SBNO2: variants seen among roughly 807,000 people sequenced by gnomAD.
The protein encoded by SBNO2 is strawberry notch homolog 2.
Under a neutral mutation model 146.3 loss-of-function variants are expected in SBNO2, and 89 were observed. That is an observed-to-expected ratio of 0.61 (90% CI 0.51 to 0.73). The LOEUF (loss-of-function observed/expected upper bound fraction) is 0.73, where lower values mean the gene tolerates loss of function less well. Ranked by LOEUF, SBNO2 falls within the 30% of genes least tolerant of loss-of-function variation. The pLI is 0.00. For synonymous variants in SBNO2, 1,147 were observed against 892.6 expected (o/e 1.29, Z -5.08); for missense variants, 2,092 against 2,003.7 (o/e 1.04, Z -0.84).
intron 3 of SBNO2, among the ~76,000 whole-genome samples, chr19:1,148,322 G>A (rs1234858707): frequency 1.3e-5 from 2 of 151,960 alleles, no homozygotes; most frequent in African/African-American, 4.8e-5. Flanking sequence ...ACAAACAGCT[G>A]CTCCACAATC....
intron 1 of SBNO2, among the ~76,000 whole-genome samples, chr19:1,169,324 G>A (rs536611299): frequency 2.6e-5 from 4 of 152,322 alleles, no homozygotes; most frequent in African/African-American, 9.6e-5. Context: ...CAGGGCACAG[G>A]GCACGAGTGC....
Position 1,110,419 on chromosome 19 carries a change from G to A in SBNO2, c.3028+326C>T, listed in dbSNP as rs924751045. 6.6e-5 allele frequency among the ~76,000 whole-genome samples: 10 copies of A among 152,278 alleles called. No individual in the cohort carries two copies. In the South Asian group the frequency reaches 1.2e-3, roughly 19 times the overall value. On this transcript the variant is annotated intron_variant, in intron 26 of 31. Coordinates refer to ENST00000361757, the MANE Select transcript of SBNO2 (RefSeq NM_014963.3). This position sits in a 1 kb window ranked among gnomAD's most constrained non-coding sequence, Gnocchi z 4.9. ...CCAGAGACGTGCACGGTGATCCCAC[G>A]AGCCCTGTGCCTGCATCCGCCCAGT... is the stretch of plus-strand genomic sequence containing the variant.
At position 1,157,633 on chromosome 19, in the gene SBNO2, G is replaced by A. The variant is rs2080304682; in HGVS notation, c.-126-3231C>T. Among the ~76,000 whole-genome samples the A allele has an allele frequency of 6.6e-6, 1 of 152,214 alleles. No homozygotes were observed. Among genetic ancestry groups the A allele is most frequent in the Non-Finnish European group, 1.5e-5 (1 of 68,016 alleles). On this transcript the variant is annotated intron_variant, in intron 1 of 31. Transcript: ENST00000361757. The surrounding 1 kb of genome is among the most constrained non-coding windows in gnomAD (Gnocchi z 6.8). ...GGGGCCCGCGCTTTATCAGCACGCTGACACCCAGAGGGGATGTGGCTTCCT... is the reference window on the plus strand; with the variant it reads ...GGGGCCCGCGCTTTATCAGCACGCTAACACCCAGAGGGGATGTGGCTTCCT...
chr19:1,122,110 TC>T (rs1568575526), intron 11 of SBNO2, 28 bp downstream of exon 11: 1 of 944,890 alleles, frequency 1.1e-6, no homozygotes, highest in Non-Finnish European at 1.3e-6. Context: ...AATCCAGCCC[TC>T]CCCTCCCGAT....
chr19:1,123,175 C>T (rs926159593), intron 7 of SBNO2, 130 bp from the exon 8 acceptor site: 3 of 1,078,522 alleles, frequency 2.8e-6, no homozygotes, highest in East Asian at 5.2e-5. Context: ...TGGCCAGGTC[C>T]CGTTGGGCGG....
chr19:1,112,674 A>G lies in SBNO2; in HGVS notation c.2380-137T>C. 1 of 1,427,496 alleles carries G rather than the reference A, an allele frequency of 7.0e-7. No individual in the cohort carries two copies. Among genetic ancestry groups the G allele is most frequent in the African/African-American group, 1.4e-5 (1 of 70,108 alleles). The allele number at this position is 1,427,496 out of a possible 1,614,324, so 88.4% of individuals were successfully genotyped here. ...AGCGAGAGGCCTGCGGGGCGCGGAC[A>G]CCACCCGCCACACGGCCACTCGCGC... On this transcript the variant is annotated intron_variant, in intron 20 of 31. Transcript: ENST00000361757. This position sits in a 1 kb window ranked among gnomAD's most constrained non-coding sequence, Gnocchi z 5.9.
In SBNO2 at chr19:1,122,273, C is replaced by T. The variant is rs373097728; in HGVS notation, c.1015G>A (p.Gly339Ser). The T allele has an allele frequency of 3.6e-5, 56 of 1,563,820 alleles. No homozygotes were observed. The highest frequency in any genetic ancestry group is 3.3e-5 in the Non-Finnish European group (38 of 1,154,256). ...AVHALSKIKYGDTTTSEGVLF... is the reference protein window; with the variant it reads ...AVHALSKIKYSDTTTSEGVLF... ...ACGCCCTCTGAGGTAGTGGTGTCAC[C>T]GTACTTGATCTGGGGATGCACAGAA... Residue 339 changes from glycine (G) to serine (S), a missense_variant, in exon 11 of 32, where the codon GGT (glycine) becomes AGT (serine). Gly to Ser is a moderately conservative substitution (Grantham distance 56). Coordinates refer to ENST00000361757, the MANE Select transcript of SBNO2 (RefSeq NM_014963.3).
rs1366360954 is a variant in SBNO2, at chr19:1,173,097, T to A, written c.-127+1075A>T. ...CCGTGCCCGGCGTCCCTGGAGGCGCTGGGTGGGCTCTCCACAACGCCTGCC... is the reference window on the plus strand; with the variant it reads ...CCGTGCCCGGCGTCCCTGGAGGCGCAGGGTGGGCTCTCCACAACGCCTGCC... On this transcript the variant is annotated intron_variant, in intron 1 of 31. Transcript: ENST00000361757. The surrounding 1 kb of genome is among the most constrained non-coding windows in gnomAD (Gnocchi z 4.7). Among the ~76,000 whole-genome samples, 5 of 151,766 alleles carry A rather than the reference T, an allele frequency of 3.3e-5. No homozygotes were observed. In the South Asian group the frequency reaches 6.2e-4, roughly 19 times the overall value.
chr19:1,113,098 G>T, intron 19 of SBNO2, 149 bp from the exon 20 acceptor site: 1 of 933,414 alleles, frequency 1.1e-6, no homozygotes, highest in Non-Finnish European at 1.6e-6. Flanking sequence ...GGGAGGGCGG[G>T]ACTGCTGGAC....
intron 18 of SBNO2, among the ~76,000 whole-genome samples, chr19:1,113,974 G>GC (rs2079800196): frequency 1.3e-5 from 2 of 152,224 alleles, no homozygotes; most frequent in Non-Finnish European, 2.9e-5. Context: ...CCAGCCCCAA[G>GC]CCCCAGCTCT....
rs1368170383 is a variant in SBNO2 at position 1,117,314 on chromosome 19, G to A, written c.1704+9C>T. Reference sequence around the variant, plus strand: ...CCGCCCTCAGCCCTCGAAGGCCGCAGCCGCTCACCTTGTCTCGCGCCAGCT... The same window carrying A: ...CCGCCCTCAGCCCTCGAAGGCCGCAACCGCTCACCTTGTCTCGCGCCAGCT... On this transcript the variant is annotated intron_variant, in intron 15 of 31. Coordinates refer to ENST00000361757, the MANE Select transcript of SBNO2 (RefSeq NM_014963.3). The A allele has an allele frequency of 6.4e-7, 1 of 1,556,002 alleles. No individual in the cohort carries two copies. Among genetic ancestry groups the A allele is most frequent in the East Asian group, 2.4e-5 (1 of 41,474 alleles).
chr19:1,108,318 C>G lies in SBNO2; in HGVS notation c.4003G>C (p.Glu1335Gln), dbSNP rs2079698862. ...AGPPSEGALG[E>Q]GAGAGGAAGG... ...GCCGCGCCCCCCGCCCCCGCGCCCT[C>G]CCCCAGCGCGCCCTCGGAGGGCGGC... Residue 1335 changes from glutamate to glutamine, a missense_variant, in exon 32 of 32, where the codon GAG becomes CAG. Transcript: ENST00000361757. 7.0e-7 allele frequency: 1 copy of G among 1,423,436 alleles called. No homozygotes were observed. Among genetic ancestry groups the G allele is most frequent in the East Asian group, 3.3e-5 (1 of 30,210 alleles). The allele number at this position is 1,423,436 out of a possible 1,614,324, so 88.2% of individuals were successfully genotyped here.
rs2079985034 is a variant in SBNO2 at position 1,127,887 on chromosome 19, G to T, written c.280-122C>A. On this transcript the variant is annotated intron_variant, in intron 4 of 31. Transcript: ENST00000361757. The stretch of plus-strand genomic sequence containing the variant: ...CCACACACTGGAGCATGTGGGAATG[G>T]GAGACACCACGGCCCTCCCAGGTTC... 3 of 885,218 alleles carry T rather than the reference G, an allele frequency of 3.4e-6. No individual in the cohort carries two copies. In the South Asian group the frequency reaches 4.9e-5, roughly 14 times the overall value. 54.8% of individuals were successfully genotyped at this position (885,218 alleles called of 1,614,324 possible).
intron 1 of SBNO2, among the ~76,000 whole-genome samples, chr19:1,156,989 T>C (rs1485295955): frequency 1.4e-5 from 1 of 71,172 alleles, no homozygotes; most frequent in Admixed American, 2.2e-4. Flanking sequence ...CAGCCCTGCC[T>C]TTCCGCCCAC....
Position 1,144,169 on chromosome 19 carries a change from C to A in SBNO2, c.279+3140G>T, listed in dbSNP as rs547400513. 6.6e-6 allele frequency among the ~76,000 whole-genome samples: 1 copy of A among 151,896 alleles called. No individual in the cohort carries two copies. Among genetic ancestry groups the A allele is most frequent in the Non-Finnish European group, 1.5e-5 (1 of 67,950 alleles). On this transcript the variant is annotated intron_variant, in intron 4 of 31. Coordinates refer to ENST00000361757, the MANE Select transcript of SBNO2 (RefSeq NM_014963.3). This position sits in a 1 kb window ranked among gnomAD's most constrained non-coding sequence, Gnocchi z 4.1. Reference sequence around the variant, plus strand: ...TCCCACACTTGGCACCGCGGGACCACGCATCCCGTCCCACACTCGACACCA... The same window carrying A: ...TCCCACACTTGGCACCGCGGGACCAAGCATCCCGTCCCACACTCGACACCA...
intron 1 of SBNO2, among the ~76,000 whole-genome samples, chr19:1,164,286 T>A (rs1423416457): frequency 6.6e-6 from 1 of 152,138 alleles, no homozygotes; most frequent in Admixed American, 6.5e-5. Context: ...CAGCTTCTCT[T>A]GCCAAACCTC....
chr19:1,146,244 C>G (rs901095556), intron 4 of SBNO2, among the ~76,000 whole-genome samples: 4 of 152,074 alleles, frequency 2.6e-5, no homozygotes, highest in Non-Finnish European at 5.9e-5. Flanking sequence ...GCGGACTTGA[C>G]GGACGCGGTC....
At chr19:1,114,128 G>A in intron 18 of SBNO2, 103 bp downstream of exon 18, 2 of 1,124,050 alleles carry the variant, frequency 1.8e-6, no homozygotes, top group South Asian at 3.6e-5. Flanking sequence ...ACCGCCAGGA[G>A]GCCGGGGGAG....
chr19:1,114,225 C>T lies in SBNO2; in HGVS notation c.2077+6G>A, dbSNP rs2079803232. 6.8e-7 allele frequency: 1 copy of T among 1,468,262 alleles called. No individual in the cohort carries two copies. The highest frequency in any genetic ancestry group is 9.1e-7 in the Non-Finnish European group (1 of 1,100,624). The allele number at this position is 1,468,262 out of a possible 1,614,324, so 91.0% of individuals were successfully genotyped here. On this transcript the variant is annotated splice_donor_region_variant and intron_variant, in intron 18 of 31. Coordinates refer to ENST00000361757, the MANE Select transcript of SBNO2 (RefSeq NM_014963.3). ...AGGTGGCTGGCCAGCCTGGGCAAGC[C>T]CTCACCCCGGTCGTCACTGGGGAGC...
Sources: gnomAD v4.1 joint callset for allele counts (sites outside exome capture counted in the v4.1 genomes callset) on GRCh38, gnomAD v4.1.1 for gene constraint, Gnocchi (gnomAD v3.1) non-coding constraint, MANE v1.5 for transcripts, NCBI Gene and HGNC (gene_info 2026-07-23, HGNC 2026-07-21) for gene names.